The following PAM variants were observed in gnomAD, a reference collection of about 807,000 sequenced individuals.
PAM encodes the protein peptidylglycine alpha-amidating monooxygenase.
PAM carries 72 observed loss-of-function variants against 122.1 expected under a neutral mutation model. The ratio of observed to expected loss-of-function variants is 0.59; its 90% CI spans 0.49 to 0.72. The LOEUF (loss-of-function observed/expected upper bound fraction) is 0.72, where lower values mean the gene tolerates loss of function less well. Among genes scored for constraint, PAM ranks in the 30% least tolerant of loss-of-function variants. The probability of loss-of-function intolerance (pLI) is 0.00; values close to 1 mark genes in which losing one functional copy is unlikely to be tolerated. For missense variants in PAM, 1,106 were observed against 1,183.7 expected (o/e 0.93, Z 0.96); for synonymous variants, 389 against 404.4 (o/e 0.96, Z 0.46).
At chr5:102,784,870 G>A (rs1760067239) in intron 1 of PAM, among the ~76,000 whole-genome samples, 1 of 152,184 alleles carries the variant, frequency 6.6e-6, no homozygotes, top group Admixed American at 6.5e-5. Context: ...TAAACACCAG[G>A]TGAGTGGTCT....
chr5:102,791,011 G>C (rs1462250422), intron 1 of PAM, among the ~76,000 whole-genome samples: 1 of 152,004 alleles, frequency 6.6e-6, no homozygotes, highest in Admixed American at 6.6e-5. Flanking sequence ...AGATAACTGA[G>C]CAATATTTTT....
At chr5:102,837,653 C>T (rs1184415249) in intron 1 of PAM, 1 of 152,110 alleles carries the variant, frequency 6.6e-6, no homozygotes, top group Non-Finnish European at 1.5e-5. Context: ...ACTAGTTTCC[C>T]CTCTTTCACT....
intron 3 of PAM, chr5:102,895,864 G>A (rs1796065097): frequency 6.6e-6 from 1 of 151,748 alleles, no homozygotes; most frequent in African/African-American, 2.4e-5. Flanking sequence ...AGGAACATCA[G>A]TGTGAATAAA....
intron 8 of PAM, among the ~76,000 whole-genome samples, chr5:102,947,921 C>G (rs1011823918): frequency 6.6e-6 from 1 of 152,108 alleles, no homozygotes; most frequent in Non-Finnish European, 1.5e-5. Context: ...ATTGGAAATT[C>G]AAGGAAGGGT....
intron 1 of PAM, among the ~76,000 whole-genome samples, chr5:102,801,565 A>T (rs888066148): frequency 2.0e-5 from 3 of 152,106 alleles, no homozygotes; most frequent in Non-Finnish European, 4.4e-5. Flanking sequence ...ACCCTTGCAC[A>T]AAAAAACCTT....
chr5:102,941,394 G>C (rs1023263113), intron 7 of PAM, among the ~76,000 whole-genome samples: 1 of 152,228 alleles, frequency 6.6e-6, no homozygotes, highest in African/African-American at 2.4e-5. Context: ...GCTTCAAAAG[G>C]AATTGTTTTT....
intron 3 of PAM, among the ~76,000 whole-genome samples, chr5:102,896,978 C>T (rs1188281210): frequency 4.6e-5 from 7 of 151,560 alleles, no homozygotes; most frequent in Admixed American, 1.3e-4. Context: ...CCTATGCATG[C>T]ATTAAAAACA....
intron 16 of PAM, among the ~76,000 whole-genome samples, chr5:102,999,217 T>A (rs1582740430): frequency 6.6e-6 from 1 of 152,310 alleles, no homozygotes; most frequent in Non-Finnish European, 1.5e-5. Context: ...ACAGGCCCCA[T>A]CCAAGTCCAG....
intron 1 of PAM, among the ~76,000 whole-genome samples, chr5:102,776,816 T>G (rs1472739413): frequency 6.6e-6 from 1 of 152,134 alleles, no homozygotes; most frequent in Non-Finnish European, 1.5e-5. Flanking sequence ...TAACTATAAC[T>G]GCATTTATAG....
rs1294452962 is a variant in PAM, at chr5:103,003,026, TG to T, written c.1614-6del. 1 of 1,360,802 alleles carries T rather than the reference TG, an allele frequency of 7.3e-7. No individual in the cohort carries two copies. The highest frequency in any genetic ancestry group is 1.1e-6 in the Non-Finnish European group (1 of 949,746). The allele number at this position is 1,360,802 out of a possible 1,614,324, so 84.3% of individuals were successfully genotyped here. ...GTTTCATGTCCTATTTAATGCTTTTTGTTTAGCTCGTTTGACAGCAAGTTTG... is the reference window on the plus strand; with the variant it reads ...GTTTCATGTCCTATTTAATGCTTTTTTTTAGCTCGTTTGACAGCAAGTTTG... On this transcript the variant is annotated splice_polypyrimidine_tract_variant and splice_region_variant and intron_variant, in intron 16 of 25. Transcript: ENST00000438793.
chr5:102,874,601 A>G (rs945500272), intron 3 of PAM, among the ~76,000 whole-genome samples: 2 of 152,176 alleles, frequency 1.3e-5, no homozygotes, highest in African/African-American at 4.8e-5. Context: ...AAAATAAGAA[A>G]TTGAAAATTA....
intron 22 of PAM, among the ~76,000 whole-genome samples, chr5:103,018,103 C>T (rs1488967997): frequency 1.3e-5 from 2 of 152,002 alleles, no homozygotes; most frequent in African/African-American, 2.4e-5. Context: ...TTGAAGTGTA[C>T]CAAATGCTTG....
chr5:102,882,163 C>A (rs1182229307), intron 3 of PAM, among the ~76,000 whole-genome samples: 1 of 131,650 alleles, frequency 7.6e-6, no homozygotes, highest in Non-Finnish European at 1.6e-5. Flanking sequence ...GGGCTGGTTC[C>A]ATATTTTTGC....
rs1434654033 is a variant in PAM, at chr5:103,007,005, G to A, written c.2008G>A (p.Gly670Arg). Residue 670 changes from glycine to arginine, a missense_variant, in exon 19 of 26, where the codon GGA becomes AGA. By Grantham distance (125) the Gly-to-Arg change is moderately radical. This residue lies in a region of PAM where 103 missense variants were observed against 157.9 expected (regional missense o/e 0.65). Transcript: ENST00000438793. ...AAGTGGAAAGTTCATCACACAGTGG[G>A]GAGAAGGTACCCAATAAGACTCTTA... is the stretch of plus-strand genomic sequence containing the variant. Reference protein sequence around the residue: ...SPSGKFITQWGEESSGSSPLP... With the variant: ...SPSGKFITQWREESSGSSPLP... The A allele has an allele frequency of 2.1e-5, 34 of 1,608,388 alleles. No individual in the cohort carries two copies. Among genetic ancestry groups the A allele is most frequent in the Non-Finnish European group, 2.8e-5 (33 of 1,175,778 alleles).
In PAM at chr5:102,872,602, G is replaced by T. The variant is rs971650571; in HGVS notation, c.210+5209G>T. 2.0e-5 allele frequency among the ~76,000 whole-genome samples: 3 copies of T among 152,234 alleles called. No individual in the cohort carries two copies. In the East Asian group the frequency reaches 5.8e-4, roughly 29 times the overall value. On this transcript the variant is annotated intron_variant, in intron 3 of 25. Transcript: ENST00000438793. ...CATGGGCTTTTCTTTCTGCACTCCT[G>T]TAAGGAATCAGTTTTAAAATATCAA... is the stretch of plus-strand genomic sequence containing the variant.
Position 102,950,007 on chromosome 5 carries a change from G to GA in PAM, c.801+36dup. ...GGTAAAATCTAGTTTAATTTTGAGA[G>GA]AAAAAAATATTAACCAGCAGAAAGT... is the stretch of plus-strand genomic sequence containing the variant. On this transcript the variant is annotated intron_variant, in intron 11 of 25. Transcript: ENST00000438793. 7 of 1,143,166 alleles carry GA rather than the reference G, an allele frequency of 6.1e-6. 1 individual carries two copies. The highest frequency in any genetic ancestry group is 5.2e-6 in the Non-Finnish European group (4 of 761,922). The allele number at this position is 1,143,166 out of a possible 1,614,324, so 70.8% of individuals were successfully genotyped here.
At chr5:102,987,150 A>G (rs1022814249) in intron 15 of PAM, among the ~76,000 whole-genome samples, 6 of 152,130 alleles carry the variant, frequency 3.9e-5, no homozygotes, top group African/African-American at 1.4e-4. Context: ...TCAACCTAAG[A>G]ATATATCAGC....
At chr5:103,028,053 A>G in intron 24 of PAM, 132 bp from the exon 25 acceptor site, 4 of 671,824 alleles carry the variant, frequency 6.0e-6, no homozygotes, top group Non-Finnish European at 1.0e-5. Context: ...CTTAAAAATT[A>G]GAATTGCATA....
At chr5:102,864,935 C>T (rs1253755078) in intron 1 of PAM, among the ~76,000 whole-genome samples, 2 of 152,014 alleles carry the variant, frequency 1.3e-5, no homozygotes, top group Non-Finnish European at 2.9e-5. Flanking sequence ...TAGTTGAGTC[C>T]TCTTATAAAA....
Sources: gnomAD v4.1 joint callset for allele counts (sites outside exome capture counted in the v4.1 genomes callset) on GRCh38, gnomAD v4.1.1 for gene constraint, gnomAD v4.1.1 regional missense constraint, MANE v1.5 for transcripts, NCBI Gene and HGNC (gene_info 2026-07-23, HGNC 2026-07-21) for gene names.